Variants in CRISP1 observed in about 807,000 individuals in gnomAD.
CRISP1 encodes cysteine rich secretory protein 1, also known as cysteine-rich secretory protein 1.
A neutral mutation model predicts 33.1 loss-of-function variants in CRISP1; 44 were observed. The ratio of observed to expected loss-of-function variants is 1.33; its 90% CI spans 1.05 to 1.71. CRISP1 has a LOEUF of 1.71. Among genes scored for constraint, CRISP1 ranks in the 40% most tolerant of loss-of-function variants. The pLI, the probability that CRISP1 is intolerant of heterozygous loss-of-function variation, is 0.00. For missense variants in CRISP1, 390 were observed against 301.2 expected (o/e 1.29, Z -2.18); for synonymous variants, 103 against 98.7 (o/e 1.04, Z -0.26).
intron 1 of CRISP1, among the ~76,000 whole-genome samples, chr6:49,875,490 G>A (rs1023007274): frequency 6.6e-6 from 1 of 151,982 alleles, no homozygotes; most frequent in Non-Finnish European, 1.5e-5. Context: ...AATTTATAGA[G>A]TCAATGCTAT....
chr6:49,857,244 C>A, intron 2 of CRISP1, 91 bp downstream of exon 2: 1 of 1,281,772 alleles, frequency 7.8e-7, no homozygotes, highest in Non-Finnish European at 1.1e-6. Context: ...AGTGGCCTCA[C>A]AACAGTGCCT....
At chr6:49,861,843 C>T (rs1582281318) in intron 1 of CRISP1, among the ~76,000 whole-genome samples, 1 of 151,976 alleles carries the variant, frequency 6.6e-6, no homozygotes, top group African/African-American at 2.4e-5. Flanking sequence ...CAAGATCATG[C>T]CATTGCGCTC....
intron 1 of CRISP1, among the ~76,000 whole-genome samples, chr6:49,865,164 A>G (rs1448469756): frequency 6.6e-6 from 1 of 152,192 alleles, no homozygotes. Flanking sequence ...GACCAATGGC[A>G]TATTATGTAA....
intron 5 of CRISP1, among the ~76,000 whole-genome samples, chr6:49,843,566 T>C (rs1182713073): frequency 6.6e-6 from 1 of 152,168 alleles, no homozygotes; most frequent in Non-Finnish European, 1.5e-5. Context: ...CTTCCAGCCT[T>C]TGTGAATTCA....
At chr6:49,863,192 G>T (rs1771701026) in intron 1 of CRISP1, among the ~76,000 whole-genome samples, 1 of 152,154 alleles carries the variant, frequency 6.6e-6, no homozygotes, top group Admixed American at 6.6e-5. Flanking sequence ...CAGAGTTTGT[G>T]AGGGTGAAAA....
upstream of CRISP1, among the ~76,000 whole-genome samples, chr6:49,870,037 C>G (rs529562922): frequency 2.4e-4 from 37 of 152,268 alleles, no homozygotes; most frequent in Non-Finnish European, 4.0e-4. Context: ...TCCCAGCCTA[C>G]AGAACTGTGA....
intron 1 of CRISP1, among the ~76,000 whole-genome samples, chr6:49,872,124 T>C (rs1771937583): frequency 6.6e-6 from 1 of 152,214 alleles, no homozygotes; most frequent in African/African-American, 2.4e-5. Flanking sequence ...TCATTGTGGT[T>C]TTGATTTGGA....
chr6:49,871,131 A>AAC (rs1554150869), upstream of CRISP1, among the ~76,000 whole-genome samples: 5 of 122,996 alleles, frequency 4.1e-5, no homozygotes, highest in African/African-American at 1.3e-4. Context: ...AAAACAAACA[A>AAC]AAAAAAAACA....
intron 7 of CRISP1, among the ~76,000 whole-genome samples, chr6:49,837,933 T>C (rs1770856106): frequency 6.7e-6 from 1 of 149,620 alleles, no homozygotes; most frequent in Non-Finnish European, 1.5e-5. Context: ...AGGAATAATG[T>C]GAGCATCAGC....
chr6:49,858,058 G>A (rs543108144), intron 1 of CRISP1, among the ~76,000 whole-genome samples: 171 of 152,232 alleles, frequency 1.1e-3, no homozygotes, highest in African/African-American at 3.8e-3. Context: ...ATAGTAGCAA[G>A]AGGAAACTAA....
At chr6:49,868,021 A>C (rs754898773), upstream of CRISP1, among the ~76,000 whole-genome samples, 5 of 152,152 alleles carry the variant, frequency 3.3e-5, no homozygotes, top group Non-Finnish European at 5.9e-5. Context: ...TTCAACATCA[A>C]GTCAAGTGTT....
At chr6:49,862,000 C>A (rs1771666434) in intron 1 of CRISP1, among the ~76,000 whole-genome samples, 2 of 152,218 alleles carry the variant, frequency 1.3e-5, no homozygotes, top group South Asian at 4.1e-4. Context: ...AACAAGACAA[C>A]ATTGCCCATG....
rs1053497 is a variant in CRISP1 at position 49,835,089 on chromosome 6, A to G, written c.*227T>C. On this transcript the variant is annotated 3_prime_UTR_variant, in exon 8 of 8. Coordinates refer to ENST00000335847, the MANE Select transcript of CRISP1 (RefSeq NM_001131.3). ...TATGCCAACTTAAAAACTATAAATCACATGATTTAAATTTAAGGCAGGTGT... is the reference window on the plus strand; with the variant it reads ...TATGCCAACTTAAAAACTATAAATCGCATGATTTAAATTTAAGGCAGGTGT... 0.11 allele frequency: 44,015 copies of G among 399,592 alleles called. 3,142 individuals are homozygous for G. The highest frequency in any genetic ancestry group is 0.15 in the Non-Finnish European group (33,140 of 226,060). The allele number at this position is 399,592 out of a possible 1,614,324, so 24.8% of individuals were successfully genotyped here. A position where few individuals can be genotyped will look rare whatever the true frequency, so the allele number is the denominator to read the frequency against.
At chr6:49,856,284 G>T (rs371701418) in intron 2 of CRISP1, among the ~76,000 whole-genome samples, 18 of 152,264 alleles carry the variant, frequency 1.2e-4, no homozygotes, top group East Asian at 1.2e-3. Flanking sequence ...ATAGGTTTCT[G>T]ACTGTTTGCC....
upstream of CRISP1, among the ~76,000 whole-genome samples, chr6:49,867,021 A>G (rs1037050292): frequency 1.3e-5 from 2 of 152,146 alleles, no homozygotes; most frequent in African/African-American, 4.8e-5. Context: ...CATTTTCCTA[A>G]GACCTTCCTG....
At chr6:49,846,414 AGATT>A (rs1219283989) in intron 5 of CRISP1, 102 bp downstream of exon 5, 1 of 1,173,174 alleles carries the variant, frequency 8.5e-7, no homozygotes, top group Non-Finnish European at 1.2e-6. Flanking sequence ...AATTGAGTAA[AGATT>A]GCCATAAGAA....
chr6:49,845,444 T>C lies in CRISP1; in HGVS notation c.435+1076A>G, dbSNP rs189061967. On this transcript the variant is annotated intron_variant, in intron 5 of 7. Coordinates refer to ENST00000335847, the MANE Select transcript of CRISP1 (RefSeq NM_001131.3). ...TTCTGTTGTTTAATCCACCCAGCTG[T>C]GGTATTTTGTTATGGCATCCTAAGC... Among the ~76,000 whole-genome samples the C allele has an allele frequency of 1.2e-3, 189 of 152,246 alleles. 1 individual carries two copies. Among genetic ancestry groups the C allele is most frequent in the Non-Finnish European group, 2.1e-3 (141 of 68,020 alleles).
intron 3 of CRISP1, among the ~76,000 whole-genome samples, chr6:49,850,099 G>A (rs1248872300): frequency 1.1e-4 from 14 of 124,298 alleles, no homozygotes; most frequent in Non-Finnish European, 1.3e-4. Context: ...GGACAGTTGT[G>A]GGGTGGGGGG....
At position 49,834,393 on chromosome 6, in the gene CRISP1, A is replaced by G. The variant is rs1386202215; in HGVS notation, c.*923T>C. 2 of 152,110 alleles carry G rather than the reference A, an allele frequency of 1.3e-5. No homozygotes were observed. Among genetic ancestry groups the G allele is most frequent in the Non-Finnish European group, 2.9e-5 (2 of 67,996 alleles). 9.4% of individuals were successfully genotyped at this position (152,110 alleles called of 1,614,324 possible). On this transcript the variant is annotated 3_prime_UTR_variant, in exon 8 of 8. Transcript: ENST00000335847. Reference sequence around the variant, plus strand: ...TCCCTTTCCCCATGTCAGGCCCTTCAATATTCCCTAAGGCTTCAGTGCATT... The same window carrying G: ...TCCCTTTCCCCATGTCAGGCCCTTCGATATTCCCTAAGGCTTCAGTGCATT...
Sources: allele counts gnomAD v4.1 joint callset (sites outside exome capture counted in the v4.1 genomes callset), GRCh38; gene constraint gnomAD v4.1.1; transcripts MANE v1.5; gene names NCBI Gene and HGNC (gene_info 2026-07-23, HGNC 2026-07-21).